The following TOPAZ1 variants were observed in gnomAD, a reference collection of about 807,000 sequenced individuals.
TOPAZ1 encodes the protein testis and ovary specific TOPAZ 1, also known as protein TOPAZ1.
Under a neutral mutation model 172.2 loss-of-function variants are expected in TOPAZ1, and 66 were observed. The ratio of observed to expected loss-of-function variants is 0.38; its 90% CI spans 0.31 to 0.47. The LOEUF (loss-of-function observed/expected upper bound fraction) is 0.47, where lower values mean the gene tolerates loss of function less well. TOPAZ1 is among the 20% of genes least tolerant of loss of function. The pLI, the probability that TOPAZ1 is intolerant of heterozygous loss-of-function variation, is 0.99. For missense variants in TOPAZ1, 1,822 were observed against 1,972.4 expected (o/e 0.92, Z 1.44); for synonymous variants, 681 against 683.9 (o/e 1.00, Z 0.07).
At chr3:44,334,794 G>A (rs1700705811), downstream of TOPAZ1, among the ~76,000 whole-genome samples, 1 of 152,118 alleles carries the variant, frequency 6.6e-6, no homozygotes, top group Non-Finnish European at 1.5e-5. Context: ...ATTAATGTAG[G>A]TGCAACACAT....
At chr3:44,308,213 G>T (rs770361819) in intron 15 of TOPAZ1, among the ~76,000 whole-genome samples, 4 of 152,088 alleles carry the variant, frequency 2.6e-5, no homozygotes, top group Non-Finnish European at 5.9e-5. Flanking sequence ...AGCCGAGATT[G>T]CACCACTGCC....
At chr3:44,276,254 A>G (rs1337766769) in intron 8 of TOPAZ1, among the ~76,000 whole-genome samples, 2 of 152,080 alleles carry the variant, frequency 1.3e-5, no homozygotes, top group Non-Finnish European at 2.9e-5. Flanking sequence ...TTTGCCATAA[A>G]ATCTTTGCCT....
At chr3:44,330,028 C>G (rs1457518541) in intron 19 of TOPAZ1, among the ~76,000 whole-genome samples, 1 of 152,190 alleles carries the variant, frequency 6.6e-6, no homozygotes, top group Non-Finnish European at 1.5e-5. Context: ...ATCCAACAGC[C>G]TACTATCCAA....
intron 12 of TOPAZ1, among the ~76,000 whole-genome samples, chr3:44,295,598 C>T (rs756505241): frequency 2.0e-5 from 3 of 151,918 alleles, no homozygotes; most frequent in Non-Finnish European, 4.4e-5. Context: ...ATATGAATAA[C>T]GAATTAAATA....
intron 8 of TOPAZ1, among the ~76,000 whole-genome samples, chr3:44,271,858 TC>T (rs1365290874): frequency 6.6e-6 from 1 of 152,186 alleles, no homozygotes; most frequent in Non-Finnish European, 1.5e-5. Flanking sequence ...AACTTTTTCT[TC>T]CTGTTTAATT....
intron 16 of TOPAZ1, among the ~76,000 whole-genome samples, chr3:44,316,449 A>G (rs558304744): frequency 6.6e-6 from 1 of 152,326 alleles, no homozygotes; most frequent in African/African-American, 2.4e-5. Context: ...CTTAGGAAAT[A>G]TCACACTGTA....
At chr3:44,308,864 T>C (rs1344281902) in intron 15 of TOPAZ1, among the ~76,000 whole-genome samples, 2 of 152,202 alleles carry the variant, frequency 1.3e-5, no homozygotes, top group Non-Finnish European at 2.9e-5. Flanking sequence ...AAAAATGCAC[T>C]CTTTTATACA....
chr3:44,314,904 C>T (rs1410243618), intron 16 of TOPAZ1, among the ~76,000 whole-genome samples: 1 of 152,208 alleles, frequency 6.6e-6, no homozygotes, highest in Non-Finnish European at 1.5e-5. Context: ...CACTGCCCTA[C>T]ATCACTCTCA....
downstream of TOPAZ1, among the ~76,000 whole-genome samples, chr3:44,336,195 T>C (rs1206100156): frequency 6.6e-6 from 1 of 152,158 alleles, no homozygotes; most frequent in Non-Finnish European, 1.5e-5. Context: ...GCTCTTTTGG[T>C]GAAGTGTTAA....
chr3:44,327,334 C>T (rs1025168001), intron 18 of TOPAZ1, among the ~76,000 whole-genome samples: 2 of 152,104 alleles, frequency 1.3e-5, no homozygotes, highest in Non-Finnish European at 2.9e-5. Context: ...AAATTGGTTT[C>T]AGTAAAATAT....
At chr3:44,314,289 G>A (rs575260651) in intron 16 of TOPAZ1, among the ~76,000 whole-genome samples, 2 of 151,984 alleles carry the variant, frequency 1.3e-5, no homozygotes, top group African/African-American at 2.4e-5. Flanking sequence ...TTTGTGAATT[G>A]CCTGTTTATG....
chr3:44,261,852 C>T (rs776318518), intron 4 of TOPAZ1, among the ~76,000 whole-genome samples: 2 of 152,042 alleles, frequency 1.3e-5, no homozygotes, highest in Non-Finnish European at 2.9e-5. Flanking sequence ...TTGTAATTCT[C>T]ATTATAGAGA....
chr3:44,290,397 C>T (rs979082582), intron 11 of TOPAZ1, among the ~76,000 whole-genome samples: 2 of 152,078 alleles, frequency 1.3e-5, no homozygotes, highest in Admixed American at 6.5e-5. Flanking sequence ...ATCACTGATT[C>T]TTCTCTGGCC....
chr3:44,306,030 T>G (rs1048973950), intron 14 of TOPAZ1, among the ~76,000 whole-genome samples: 1 of 152,250 alleles, frequency 6.6e-6, no homozygotes, highest in Non-Finnish European at 1.5e-5. Flanking sequence ...TGACCTGAGC[T>G]CTTTACTACT....
chr3:44,255,664 T>A (rs185174382), intron 3 of TOPAZ1, among the ~76,000 whole-genome samples: 4,985 of 28,812 alleles, frequency 0.17, 356 homozygotes, highest in Middle Eastern at 0.28. Context: ...AAAAAAAAAA[T>A]ATATATACAC....
chr3:44,266,942 CTTTAATG>C, intron 5 of TOPAZ1, 48 bp from the exon 6 acceptor site: 1 of 1,316,874 alleles, frequency 7.6e-7, no homozygotes, highest in Non-Finnish European at 1.0e-6. Context: ...CAAAGCATTA[CTTTAATG>C]TTTAAAAATA....
rs1559520878 is a variant in TOPAZ1 at position 44,242,163 on chromosome 3, GCC to G, written c.112_113del (p.Pro38Ter). 1.3e-6 allele frequency: 2 copies of G among 1,547,184 alleles called. No individual in the cohort carries two copies. The highest frequency in any genetic ancestry group is 1.7e-6 in the Non-Finnish European group (2 of 1,145,882). ...GGGCCAGGCGCGGCGGGAGGCTGTG[GCC>G]CTGAGGCCGGGGGGTGCCGGGAAAA... On this transcript the variant is annotated frameshift_variant, in exon 1 of 20. Transcript: ENST00000309765. LOFTEE classifies it high-confidence loss of function.
At position 44,243,575 on chromosome 3, in the gene TOPAZ1, G is replaced by C; in HGVS notation, c.1069G>C (p.Glu357Gln). The C allele has an allele frequency of 3.9e-6, 6 of 1,551,066 alleles. No individual in the cohort carries two copies. The highest frequency in any genetic ancestry group is 5.2e-6 in the Non-Finnish European group (6 of 1,146,960). ...CTTCTCTAATGAGTATAACAAGTCT[G>C]AGTTGATGTTGCAAGAAAATCAAAT... ...MNFSNEYNKS[E>Q]LMLQENQMIA... The change falls in exon 2 of 20, where the codon GAG becomes CAG. Residue 357 changes from glutamate to glutamine, a missense_variant. By Grantham distance (29) the Glu-to-Gln change is conservative. Around this residue, in one of 2 missense-constraint regions of TOPAZ1, gnomAD observed 1,489 missense variants for 1,490.8 expected, o/e 1.00. Coordinates refer to ENST00000309765, the MANE Select transcript of TOPAZ1 (RefSeq NM_001145030.2).
intron 2 of TOPAZ1, among the ~76,000 whole-genome samples, chr3:44,248,572 G>C (rs1015072120): frequency 6.6e-6 from 1 of 152,178 alleles, no homozygotes; most frequent in African/African-American, 2.4e-5. Flanking sequence ...GATAACCAGA[G>C]AATCTATCAG....
Sources: allele counts gnomAD v4.1 joint callset (sites outside exome capture counted in the v4.1 genomes callset), GRCh38; gene constraint gnomAD v4.1.1; regional missense constraint gnomAD v4.1.1; transcripts MANE v1.5; gene names NCBI Gene and HGNC (gene_info 2026-07-23, HGNC 2026-07-21).